The following ACOT12 variants were observed in gnomAD, a reference collection of about 807,000 sequenced individuals.
The protein encoded by ACOT12 is acetyl-coenzyme A thioesterase.
In ACOT12, 51 loss-of-function variants were observed where a neutral mutation model predicts 67.7. That is an observed-to-expected ratio of 0.75 (90% CI 0.60 to 0.95). The LOEUF (loss-of-function observed/expected upper bound fraction) is 0.95. Ranked by LOEUF, ACOT12 falls within the 40% of genes least tolerant of loss-of-function variation. ACOT12 has a pLI of 0.00. For missense variants in ACOT12, 734 were observed against 708.1 expected, an observed-to-expected ratio of 1.04 and a Z score of -0.41; for synonymous variants, 251 against 244.6, an observed-to-expected ratio of 1.03 and a Z score of -0.24.
chr5:81,325,752 T>G (rs541619661), downstream of ACOT12, among the ~76,000 whole-genome samples: 1 of 152,288 alleles, frequency 6.6e-6, no homozygotes, highest in African/African-American at 2.4e-5. Context: ...TTCTCTGACT[T>G]TTGAATCTGG....
the ACOT12 span, among the ~76,000 whole-genome samples, chr5:81,316,301 G>C: frequency 2.6e-5 from 4 of 152,216 alleles, no homozygotes; most frequent in South Asian, 2.1e-4. Flanking sequence ...TTAAGCAGTT[G>C]CTCCCTATCC....
At chr5:81,386,271 A>G (rs1760722762) in intron 1 of ACOT12, among the ~76,000 whole-genome samples, 1 of 152,254 alleles carries the variant, frequency 6.6e-6, no homozygotes, top group South Asian at 2.1e-4. Context: ...CTTGAGCGGT[A>G]TGGGAAACCC....
intron 2 of ACOT12, among the ~76,000 whole-genome samples, chr5:81,375,190 C>T (rs1760373406): frequency 6.6e-6 from 1 of 152,208 alleles, no homozygotes; most frequent in Non-Finnish European, 1.5e-5. Context: ...CAATATTCAA[C>T]ATTCTTAAAG....
chr5:81,380,679 C>T (rs1760556164), intron 2 of ACOT12, among the ~76,000 whole-genome samples: 1 of 151,576 alleles, frequency 6.6e-6, no homozygotes, highest in Non-Finnish European at 1.5e-5. Flanking sequence ...TAGCAAAAGA[C>T]TGGAAACAAT....
At chr5:81,336,066 T>C (rs1758992088) in intron 11 of ACOT12, among the ~76,000 whole-genome samples, 165 bp from the exon 12 acceptor site, 1 of 152,172 alleles carries the variant, frequency 6.6e-6, no homozygotes, top group Non-Finnish European at 1.5e-5. Flanking sequence ...TACTGGGATG[T>C]CTAGAGGTCT....
the ACOT12 span, among the ~76,000 whole-genome samples, chr5:81,323,897 CGT>C: frequency 0.081 from 11,883 of 146,196 alleles, 561 homozygotes; most frequent in Middle Eastern, 0.18. Context: ...TACATATATA[CGT>C]ATATATACAC....
intron 7 of ACOT12, 66 bp from the exon 8 acceptor site, chr5:81,345,107 C>T (rs542857779): frequency 1.2e-4 from 80 of 648,560 alleles, no homozygotes; most frequent in African/African-American, 7.4e-4. Context: ...CCTTGCACAC[C>T]GCTGCCACCT....
At chr5:81,384,091 A>G (rs1210212922) in intron 2 of ACOT12, among the ~76,000 whole-genome samples, 1 of 145,570 alleles carries the variant, frequency 6.9e-6, no homozygotes, top group African/African-American at 2.5e-5. Context: ...AGCTCCATTC[A>G]TGGTTAAGTG....
the ACOT12 span, among the ~76,000 whole-genome samples, chr5:81,309,682 G>T: frequency 6.6e-6 from 1 of 152,174 alleles, no homozygotes; most frequent in Non-Finnish European, 1.5e-5. Flanking sequence ...TTTTGGAGTT[G>T]GTCAGACTTG....
At chr5:81,348,952 A>G (rs1309278964) in intron 5 of ACOT12, among the ~76,000 whole-genome samples, 2 of 152,244 alleles carry the variant, frequency 1.3e-5, no homozygotes, top group Non-Finnish European at 2.9e-5. Flanking sequence ...TCTGGCTGCA[A>G]AGCAGTAAAA....
chr5:81,373,356 T>C (rs540996467), intron 2 of ACOT12, among the ~76,000 whole-genome samples: 6 of 152,350 alleles, frequency 3.9e-5, no homozygotes, highest in African/African-American at 1.4e-4. Flanking sequence ...GCTTTTCCCA[T>C]GGTCTTTGCA....
chr5:81,345,190 A>G (rs1241640393), intron 7 of ACOT12, 149 bp from the exon 8 acceptor site: 15 of 1,055,012 alleles, frequency 1.4e-5, no homozygotes, highest in Non-Finnish European at 2.0e-5. Context: ...TGTTATCAGC[A>G]AACCTGTGCA....
downstream of ACOT12, among the ~76,000 whole-genome samples, chr5:81,328,264 A>G (rs763733000): frequency 1.6e-4 from 24 of 152,012 alleles, no homozygotes; most frequent in Non-Finnish European, 2.4e-4. Context: ...ACCCTTCCCC[A>G]GCACTCTTCA....
At chr5:81,371,979 A>G (rs1760268630) in intron 2 of ACOT12, among the ~76,000 whole-genome samples, 169 bp from the exon 3 acceptor site, 2 of 152,208 alleles carry the variant, frequency 1.3e-5, no homozygotes, top group African/African-American at 4.8e-5. Context: ...CAACACTTAA[A>G]AACAAAGGCC....
the ACOT12 span, among the ~76,000 whole-genome samples, chr5:81,321,210 C>T: frequency 3.0e-4 from 46 of 152,218 alleles, no homozygotes; most frequent in African/African-American, 1.1e-3. Context: ...AAGCTAAGAT[C>T]GCACCACTGT....
intron 6 of ACOT12, 41 bp from the exon 7 acceptor site, chr5:81,346,045 A>C: frequency 1.2e-6 from 2 of 1,602,586 alleles, no homozygotes; most frequent in Non-Finnish European, 1.7e-6. Flanking sequence ...AAGCGATCAC[A>C]CATTCATTCA....
chr5:81,362,361 T>TC (rs1759940565), intron 4 of ACOT12, among the ~76,000 whole-genome samples: 1 of 152,014 alleles, frequency 6.6e-6, no homozygotes, highest in South Asian at 2.1e-4. Flanking sequence ...AGAGGGGGTT[T>TC]CTCCATGTTG....
chr5:81,389,701 AT>A (rs1485397654), intron 1 of ACOT12, among the ~76,000 whole-genome samples: 2 of 151,740 alleles, frequency 1.3e-5, no homozygotes, highest in Non-Finnish European at 2.9e-5. Flanking sequence ...TAATTTTTGT[AT>A]TTTTAGTAAA....
At chr5:81,363,937 T>A in intron 3 of ACOT12, 48 bp from the exon 4 acceptor site, 2 of 1,364,014 alleles carry the variant, frequency 1.5e-6, no homozygotes, top group Non-Finnish European at 1.9e-6. Flanking sequence ...CAGTTCAGAT[T>A]TCAGCATTCA....
Sources: allele counts gnomAD v4.1 joint callset (sites outside exome capture counted in the v4.1 genomes callset), GRCh38; gene constraint gnomAD v4.1.1; transcripts MANE v1.5; gene names NCBI Gene and HGNC (gene_info 2026-07-23, HGNC 2026-07-21).